Variants in PRKCB observed in about 807,000 individuals in gnomAD.
The protein encoded by PRKCB is protein kinase C beta, also known as protein kinase C beta type.
PRKCB carries 13 observed loss-of-function variants against 81.5 expected under a neutral mutation model. That is an observed-to-expected ratio of 0.16 (90% CI 0.10 to 0.25). The LOEUF is 0.25. Among genes scored for constraint, PRKCB ranks in the 10% least tolerant of loss-of-function variants. The probability of loss-of-function intolerance (pLI) is 1.00; values close to 1 mark genes in which losing one functional copy is unlikely to be tolerated. For missense variants in PRKCB, 509 were observed against 875.7 expected, an observed-to-expected ratio of 0.58 and a Z score of 5.29; for synonymous variants, 335 against 321.4, an observed-to-expected ratio of 1.04 and a Z score of -0.45.
chr16:23,946,326 G>A (rs1964203583), intron 2 of PRKCB, among the ~76,000 whole-genome samples: 1 of 152,206 alleles, frequency 6.6e-6, no homozygotes, highest in African/African-American at 2.4e-5. Flanking sequence ...CAAAGAATGA[G>A]TAGTTTTGAG....
chr16:24,026,667 G>T (rs527247995), intron 3 of PRKCB, among the ~76,000 whole-genome samples: 1 of 152,328 alleles, frequency 6.6e-6, no homozygotes, highest in East Asian at 1.9e-4. Flanking sequence ...GAAACCAGAA[G>T]GGACCACAAG....
intron 5 of PRKCB, among the ~76,000 whole-genome samples, chr16:24,062,354 A>G (rs1474013610): frequency 2.0e-5 from 3 of 152,206 alleles, no homozygotes; most frequent in South Asian, 2.1e-4. Flanking sequence ...GCTCACTGGC[A>G]TCTCAAGAGC....
chr16:23,856,705 T>G (rs1307108832), intron 2 of PRKCB, among the ~76,000 whole-genome samples: 1 of 152,058 alleles, frequency 6.6e-6, no homozygotes, highest in Non-Finnish European at 1.5e-5. Context: ...TAAAACTTTT[T>G]GTAGAGATAG....
intron 2 of PRKCB, among the ~76,000 whole-genome samples, chr16:23,976,678 G>A (rs1309238910): frequency 6.6e-6 from 1 of 152,208 alleles, no homozygotes; most frequent in Non-Finnish European, 1.5e-5. Context: ...GCTGGATATG[G>A]CTGGTGAGTG....
At chr16:24,098,811 T>C (rs1966471482) in intron 7 of PRKCB, 1 of 152,168 alleles carries the variant, frequency 6.6e-6, no homozygotes, top group Non-Finnish European at 1.5e-5. Flanking sequence ...TGATGGTGAA[T>C]AATAAACTAA....
At chr16:24,020,970 T>C (rs1468099772) in intron 3 of PRKCB, among the ~76,000 whole-genome samples, 1 of 120,466 alleles carries the variant, frequency 8.3e-6, no homozygotes, top group Non-Finnish European at 1.7e-5. Context: ...TGAGAGAGAC[T>C]TTTCTTTTTC....
intron 2 of PRKCB, among the ~76,000 whole-genome samples, chr16:23,862,493 C>A (rs1000075704): frequency 6.6e-6 from 1 of 152,180 alleles, no homozygotes; most frequent in African/African-American, 2.4e-5. Flanking sequence ...CAGCAGCTTG[C>A]GTTCAGGGGA....
intron 9 of PRKCB, among the ~76,000 whole-genome samples, chr16:24,130,104 T>C (rs1024267550): frequency 6.6e-6 from 1 of 152,196 alleles, no homozygotes; most frequent in East Asian, 1.9e-4. Context: ...GCACTTTACA[T>C]TCAGCATGTA....
intron 5 of PRKCB, among the ~76,000 whole-genome samples, chr16:24,069,417 G>A (rs934550249): frequency 1.3e-5 from 2 of 152,162 alleles, no homozygotes; most frequent in African/African-American, 4.8e-5. Context: ...CACTGGGGAC[G>A]AGCAGTGCTG....
At chr16:24,100,762 A>C (rs1966496587) in intron 7 of PRKCB, among the ~76,000 whole-genome samples, 1 of 152,204 alleles carries the variant, frequency 6.6e-6, no homozygotes, top group South Asian at 2.1e-4. Flanking sequence ...TAATAAACAC[A>C]GTGCCAGCCA....
At chr16:23,925,571 C>A (rs1368130772) in intron 2 of PRKCB, among the ~76,000 whole-genome samples, 1 of 152,052 alleles carries the variant, frequency 6.6e-6, no homozygotes, top group Non-Finnish European at 1.5e-5. Context: ...ACCCAGCATC[C>A]CTGTCTGAGG....
chr16:24,021,254 CTTT>C lies in PRKCB; in HGVS notation c.289-10881_289-10879del, dbSNP rs1405585781. Among the ~76,000 whole-genome samples, 14 of 111,918 alleles carry C rather than the reference CTTT, an allele frequency of 1.3e-4. 3 individuals carry two copies. The highest frequency in any genetic ancestry group is 3.0e-4 in the East Asian group (1 of 3,384). 73.4% of individuals were successfully genotyped at this position (111,918 alleles called of 152,430 possible). On this transcript the variant is annotated intron_variant, in intron 3 of 16. Coordinates refer to ENST00000643927, the MANE Select transcript of PRKCB (RefSeq NM_002738.7). ...TCTTTCCTTCCTTCCTTCCTTCTTCCTTTCTTCCTTTCTTTTTCTTTCTTTTCT... is the reference window on the plus strand; with the variant it reads ...TCTTTCCTTCCTTCCTTCCTTCTTCCCTTCCTTTCTTTTTCTTTCTTTTCT...
At chr16:24,146,301 C>G (rs1384436830) in intron 9 of PRKCB, among the ~76,000 whole-genome samples, 1 of 152,028 alleles carries the variant, frequency 6.6e-6, no homozygotes, top group East Asian at 1.9e-4. Flanking sequence ...TTTGGTCATG[C>G]TAGGAAACTA....
rs915760271 is a variant in PRKCB at position 24,218,833 on chromosome 16, G to A, written c.*4017G>A. Reference sequence around the variant, plus strand: ...GAATACAAGGCCTTCTTCCCTGGTTGTCTTGTAATAAAACAGCCATGGGGT... The same window carrying A: ...GAATACAAGGCCTTCTTCCCTGGTTATCTTGTAATAAAACAGCCATGGGGT... On this transcript the variant is annotated 3_prime_UTR_variant, in exon 17 of 17. Transcript: ENST00000643927. 2.0e-6 allele frequency: 2 copies of A among 985,326 alleles called. No homozygotes were observed. The highest frequency in any genetic ancestry group is 3.5e-5 in the African/African-American group (2 of 57,218). The allele number at this position is 985,326 out of a possible 1,614,324, so 61.0% of individuals were successfully genotyped here.
At chr16:24,082,287 C>T (rs145374032) in intron 5 of PRKCB, among the ~76,000 whole-genome samples, 300 of 152,214 alleles carry the variant, frequency 2.0e-3, no homozygotes, top group African/African-American at 6.7e-3. Flanking sequence ...GCAAGTCTTA[C>T]GATTGATTTG....
Position 24,132,620 on chromosome 16 carries a change from C to T in PRKCB, c.1065+8639C>T, listed in dbSNP as rs1332639236. Among the ~76,000 whole-genome samples the T allele has an allele frequency of 6.6e-5, 10 of 152,282 alleles. No individual in the cohort carries two copies. The South Asian group carries it at 1.4e-3, about 22-fold the overall frequency. On this transcript the variant is annotated intron_variant, in intron 9 of 16. Transcript: ENST00000643927. ...TAAGTGCTTAGTATGTATTCATTAG[C>T]TCACACTTACTCTATGATGCAGCTA...
chr16:24,215,500 A>G lies in PRKCB; in HGVS notation c.*684A>G. On this transcript the variant is annotated 3_prime_UTR_variant, in exon 17 of 17. Transcript: ENST00000643927. The stretch of plus-strand genomic sequence containing the variant: ...TATGTCTTTGCTCACCCTCATCCCC[A>G]AACTACTTGAAAAGGGCATTTGGCA... 24 of 985,768 alleles carry G rather than the reference A, an allele frequency of 2.4e-5. No individual in the cohort carries two copies. The highest frequency in any genetic ancestry group is 2.8e-5 in the Non-Finnish European group (23 of 829,926). 61.1% of individuals were successfully genotyped at this position (985,768 alleles called of 1,614,324 possible). A position where few individuals can be genotyped will look rare whatever the true frequency, so the allele number is the denominator to read the frequency against.
chr16:23,945,311 T>C (rs565907160), intron 2 of PRKCB, among the ~76,000 whole-genome samples: 1 of 152,280 alleles, frequency 6.6e-6, no homozygotes, highest in East Asian at 1.9e-4. Flanking sequence ...TGTCAGGAGG[T>C]AATTTACCAT....
At chr16:23,908,566 T>G (rs1026609281) in intron 2 of PRKCB, among the ~76,000 whole-genome samples, 12 of 152,138 alleles carry the variant, frequency 7.9e-5, no homozygotes, top group Admixed American at 5.9e-4. Flanking sequence ...ATTCTCGCTC[T>G]GTCGCCCCAG....
Sources: gnomAD v4.1 joint callset for allele counts (sites outside exome capture counted in the v4.1 genomes callset) on GRCh38, gnomAD v4.1.1 for gene constraint, MANE v1.5 for transcripts, NCBI Gene and HGNC (gene_info 2026-07-23, HGNC 2026-07-21) for gene names.